Variants in DHRS11 observed in about 807,000 individuals in gnomAD.
DHRS11 encodes the protein dehydrogenase/reductase SDR family member 11.
In DHRS11, 18 loss-of-function variants were observed where a neutral mutation model predicts 30.7. That is an observed-to-expected ratio of 0.59 (90% CI 0.41 to 0.87). The LOEUF is 0.87. Among genes scored for constraint, DHRS11 ranks in the 40% least tolerant of loss-of-function variants. The pLI, the probability that DHRS11 is intolerant of heterozygous loss-of-function variation, is 0.00. For synonymous variants in DHRS11, 123 were observed against 139.6 expected, an observed-to-expected ratio of 0.88 and a Z score of 0.84; for missense variants, 300 against 349.0, an observed-to-expected ratio of 0.86 and a Z score of 1.12.
At chr17:36,598,293 C>T (rs1423142766) in intron 3 of DHRS11, 36 bp downstream of exon 3, 7 of 1,591,736 alleles carry the variant, frequency 4.4e-6, no homozygotes, top group Non-Finnish European at 5.2e-6. Flanking sequence ...CACTCACCCA[C>T]CAGGCTGGGT....
chr17:36,592,296 T>A lies in DHRS11; in HGVS notation c.147+140T>A. 1 of 1,097,864 alleles carries A rather than the reference T, an allele frequency of 9.1e-7. No individual in the cohort carries two copies. Among genetic ancestry groups the A allele is most frequent in the Non-Finnish European group, 1.2e-6 (1 of 867,652 alleles). 68.0% of individuals were successfully genotyped at this position (1,097,864 alleles called of 1,614,324 possible). A position where few individuals can be genotyped will look rare whatever the true frequency, so the allele number is the denominator to read the frequency against. On this transcript the variant is annotated intron_variant, in intron 1 of 6. Coordinates refer to ENST00000618403, the MANE Select transcript of DHRS11 (RefSeq NM_024308.4). This position sits in a 1 kb window ranked among gnomAD's most constrained non-coding sequence, Gnocchi z 4.4. ...TTAAGGCAGGCTTCTCCCTTCCCCT[T>A]AAGTCTCATCTTTGAAGGAGCCGTT...
rs373782272 is a variant in DHRS11, at chr17:36,594,034, C to T, written c.148-937C>T. ...CAATGGCACCTGCCACCTGAATTGCCTCATAGTCTCCTGAGAAACCTCAGA... is the reference window on the plus strand; with the variant it reads ...CAATGGCACCTGCCACCTGAATTGCTTCATAGTCTCCTGAGAAACCTCAGA... On this transcript the variant is annotated intron_variant, in intron 1 of 6. Coordinates refer to ENST00000618403, the MANE Select transcript of DHRS11 (RefSeq NM_024308.4). Among the ~76,000 whole-genome samples, 17 of 152,336 alleles carry T rather than the reference C, an allele frequency of 1.1e-4. No individual in the cohort carries two copies. In the East Asian group the frequency reaches 2.9e-3, roughly 26 times the overall value.
Position 36,598,997 on chromosome 17 carries a change from A to G in DHRS11, c.529A>G (p.Thr177Ala). The G allele has an allele frequency of 6.2e-7, 1 of 1,613,320 alleles. No individual in the cohort carries two copies. Among genetic ancestry groups the G allele is most frequent in the Non-Finnish European group, 8.5e-7 (1 of 1,179,986 alleles). Residue 177 changes from threonine to alanine, a missense_variant, in exon 4 of 7, where the codon ACA becomes GCA. Transcript: ENST00000618403. ...SATKYAVTAL[T>A]EGLRQELREA... ...CACCAAGTATGCCGTCACTGCGCTGACAGAGGGACTGAGGCAAGAGCTTCG... is the reference window on the plus strand; with the variant it reads ...CACCAAGTATGCCGTCACTGCGCTGGCAGAGGGACTGAGGCAAGAGCTTCG...
chr17:36,595,303 A>G (rs952509622), intron 2 of DHRS11, 123 bp downstream of exon 2: 1 of 1,001,606 alleles, frequency 1.0e-6, no homozygotes, highest in Non-Finnish European at 1.5e-6. Flanking sequence ...TCGGGTTCCC[A>G]CCTGGGGCAT....
Position 36,592,481 on chromosome 17 carries a change from C to T in DHRS11, c.147+325C>T, listed in dbSNP as rs2074775771. ...CCTTCTCGCCCCCGGCGGCCAAGTG[C>T]CTCTAATCTCCAGAAGTCACCCACC... On this transcript the variant is annotated intron_variant, in intron 1 of 6. Transcript: ENST00000618403. This position sits in a 1 kb window ranked among gnomAD's most constrained non-coding sequence, Gnocchi z 4.4. Among the ~76,000 whole-genome samples, 1 of 152,206 alleles carries T rather than the reference C, an allele frequency of 6.6e-6. No homozygotes were observed. Among genetic ancestry groups the T allele is most frequent in the Non-Finnish European group, 1.5e-5 (1 of 68,040 alleles).
chr17:36,594,239 T>C (rs930066208), intron 1 of DHRS11, among the ~76,000 whole-genome samples: 1 of 152,076 alleles, frequency 6.6e-6, no homozygotes, highest in Admixed American at 6.6e-5. Context: ...AGGGACTGGC[T>C]GACACAATGC....
In DHRS11 at chr17:36,600,654, C is replaced by G; in HGVS notation, c.*451C>G. ...CCCCACTGCACCCTCTCCCCCTTATCTATCTCCTTCTCGGCTCCCCAGCCC... is the reference window on the plus strand; with the variant it reads ...CCCCACTGCACCCTCTCCCCCTTATGTATCTCCTTCTCGGCTCCCCAGCCC... On this transcript the variant is annotated 3_prime_UTR_variant, in exon 7 of 7. Transcript: ENST00000618403. 1 of 223,410 alleles carries G rather than the reference C, an allele frequency of 4.5e-6. No homozygotes were observed. Among genetic ancestry groups the G allele is most frequent in the Non-Finnish European group, 9.0e-6 (1 of 111,548 alleles). 13.8% of individuals were successfully genotyped at this position (223,410 alleles called of 1,614,324 possible).
In DHRS11 at chr17:36,592,075, C is replaced by T. The variant is rs1221813714; in HGVS notation, c.66C>T (p.Gly22=). The part of the protein sequence containing the change: ...RLALVTGASG[G]IGAAVARALV... ...CGCTGGTGACGGGGGCCTCGGGGGG[C>T]ATCGGCGCGGCCGTGGCCCGGGCCC... The change falls in exon 1 of 7, where the codon GGC becomes GGT. Residue 22 remains glycine (G), a synonymous_variant. Transcript: ENST00000618403. The surrounding 1 kb of genome is among the most constrained non-coding windows in gnomAD (Gnocchi z 4.4). 1 of 1,241,160 alleles carries T rather than the reference C, an allele frequency of 8.1e-7. No individual in the cohort carries two copies. Among genetic ancestry groups the T allele is most frequent in the African/African-American group, 1.5e-5 (1 of 64,778 alleles). 76.9% of individuals were successfully genotyped at this position (1,241,160 alleles called of 1,614,324 possible). A position where few individuals can be genotyped will look rare whatever the true frequency, so the allele number is the denominator to read the frequency against.
intron 4 of DHRS11, chr17:36,599,444 G>T: frequency 1.7e-6 from 1 of 587,348 alleles, no homozygotes. Flanking sequence ...GAGCTTTTCA[G>T]GGACACTTTT....
At position 36,600,243 on chromosome 17, in the gene DHRS11, G is replaced by T. The variant is rs368186624; in HGVS notation, c.*40G>T. The T allele has an allele frequency of 2.5e-6, 4 of 1,613,320 alleles. No individual in the cohort carries two copies. The highest frequency in any genetic ancestry group is 3.4e-6 in the Non-Finnish European group (4 of 1,179,464). ...CCTCCTTCCCTCCCCACCCTTCATG[G>T]CTTGCCTCCTGCCTCTGGATTTTAG... On this transcript the variant is annotated 3_prime_UTR_variant, in exon 7 of 7. Coordinates refer to ENST00000618403, the MANE Select transcript of DHRS11 (RefSeq NM_024308.4).
chr17:36,599,630 G>A (rs1457734100), intron 4 of DHRS11, 41 bp from the exon 5 acceptor site: 1 of 1,608,276 alleles, frequency 6.2e-7, no homozygotes, highest in African/African-American at 1.3e-5. Flanking sequence ...CCAAGACCTG[G>A]CAAAGCTCAG....
intron 1 of DHRS11, 200 bp from the exon 2 acceptor site, chr17:36,594,771 C>T: frequency 1.6e-6 from 1 of 610,790 alleles, no homozygotes; most frequent in Non-Finnish European, 2.9e-6. Flanking sequence ...CCCTTCATCA[C>T]TCGGGGAGCA....
chr17:36,597,745 G>T, intron 2 of DHRS11: 1 of 275,094 alleles, frequency 3.6e-6, no homozygotes, highest in South Asian at 3.7e-5. Flanking sequence ...AGCAGTTTAG[G>T]AGGGAGCAGG....
intron 2 of DHRS11, among the ~76,000 whole-genome samples, chr17:36,595,734 C>T (rs907712234): frequency 4.6e-5 from 7 of 152,044 alleles, no homozygotes; most frequent in Non-Finnish European, 1.0e-4. Flanking sequence ...GAAGGTAGTT[C>T]TTAAAGTCTA....
Position 36,592,305 on chromosome 17 carries a change from T to C in DHRS11, c.147+149T>C. 5.6e-6 allele frequency: 6 copies of C among 1,066,102 alleles called. No individual in the cohort carries two copies. Among genetic ancestry groups the C allele is most frequent in the Non-Finnish European group, 7.2e-6 (6 of 838,436 alleles). 66.0% of individuals were successfully genotyped at this position (1,066,102 alleles called of 1,614,324 possible). Reference sequence around the variant, plus strand: ...GCTTCTCCCTTCCCCTTAAGTCTCATCTTTGAAGGAGCCGTTTGCCCTGAC... The same window carrying C: ...GCTTCTCCCTTCCCCTTAAGTCTCACCTTTGAAGGAGCCGTTTGCCCTGAC... On this transcript the variant is annotated intron_variant, in intron 1 of 6. Transcript: ENST00000618403. This position sits in a 1 kb window ranked among gnomAD's most constrained non-coding sequence, Gnocchi z 4.4.
At chr17:36,594,869 G>C in intron 1 of DHRS11, 102 bp from the exon 2 acceptor site, 1 of 1,229,184 alleles carries the variant, frequency 8.1e-7, no homozygotes, top group South Asian at 1.3e-5. Context: ...GCTGCCAAAG[G>C]AGCATGTTTT....
In DHRS11 at chr17:36,591,887, G is replaced by A. The variant is rs1282544984; in HGVS notation, c.-123G>A. The A allele has an allele frequency of 6.7e-6, 7 of 1,045,182 alleles. No individual in the cohort carries two copies. The East Asian group carries it at 2.4e-4, about 36-fold the overall frequency. The allele number at this position is 1,045,182 out of a possible 1,614,324, so 64.7% of individuals were successfully genotyped here. ...CCGGCCGGAGGCAGGCCGGGACTCTGGTGGGTCTAGGCGCGGATCGGACCC... is the reference window on the plus strand; with the variant it reads ...CCGGCCGGAGGCAGGCCGGGACTCTAGTGGGTCTAGGCGCGGATCGGACCC... On this transcript the variant is annotated 5_prime_UTR_variant, in exon 1 of 7. Coordinates refer to ENST00000618403, the MANE Select transcript of DHRS11 (RefSeq NM_024308.4).
rs1175594096 is a variant in DHRS11 at position 36,600,448 on chromosome 17, C to T, written c.*245C>T. ...TTACTTGTTAACTTGTTCTTGTGCC[C>T]CTGGGCACTTGGCCTTTGTCTGCTC... is the stretch of plus-strand genomic sequence containing the variant. On this transcript the variant is annotated 3_prime_UTR_variant, in exon 7 of 7. Transcript: ENST00000618403. 1.7e-6 allele frequency: 1 copy of T among 600,248 alleles called. No homozygotes were observed. Among genetic ancestry groups the T allele is most frequent in the East Asian group, 2.8e-5 (1 of 35,664 alleles). The allele number at this position is 600,248 out of a possible 1,614,324, so 37.2% of individuals were successfully genotyped here.
chr17:36,594,628 T>A (rs1351350942), intron 1 of DHRS11: 1 of 377,374 alleles, frequency 2.6e-6, no homozygotes, highest in African/African-American at 2.0e-5. Flanking sequence ...TAGCCAAGGC[T>A]GGTCTCAAAC....
Sources: allele counts gnomAD v4.1 joint callset (sites outside exome capture counted in the v4.1 genomes callset), GRCh38; gene constraint gnomAD v4.1.1; non-coding constraint Gnocchi (gnomAD v3.1); transcripts MANE v1.5; gene names NCBI Gene and HGNC (gene_info 2026-07-23, HGNC 2026-07-21).